ABCC5: variants seen among roughly 807,000 people sequenced by gnomAD.
ABCC5 encodes ATP-binding cassette sub-family C member 5.
Under a neutral mutation model 160.9 loss-of-function variants are expected in ABCC5, and 61 were observed. The ratio of observed to expected loss-of-function variants is 0.38; its 90% confidence interval spans 0.31 to 0.47. The LOEUF (loss-of-function observed/expected upper bound fraction) is 0.47. Among genes scored for constraint, ABCC5 ranks in the 20% least tolerant of loss-of-function variants. ABCC5 has a pLI of 0.99. For missense variants in ABCC5, 1,308 were observed against 1,813.3 expected (o/e 0.72, Z 5.06); for synonymous variants, 666 against 700.6 (o/e 0.95, Z 0.78).
At chr3:183,959,077 ACACACAGT>A (rs929705335) in intron 17 of ABCC5, among the ~76,000 whole-genome samples, 1 of 151,678 alleles carries the variant, frequency 6.6e-6, no homozygotes, top group Non-Finnish European at 1.5e-5. Flanking sequence ...ACACACACAC[ACACACAGT>A]GTTTGTGTGT....
chr3:183,946,298 G>A (rs1388419216), intron 23 of ABCC5, among the ~76,000 whole-genome samples: 3 of 152,290 alleles, frequency 2.0e-5, no homozygotes, highest in South Asian at 2.1e-4. Context: ...CAACCTATGA[G>A]CAACTAGTAA....
chr3:183,941,851 G>A (rs1278250022), intron 25 of ABCC5, among the ~76,000 whole-genome samples: 1 of 151,824 alleles, frequency 6.6e-6, no homozygotes, highest in East Asian at 2.0e-4. Context: ...TGGCGCCCCT[G>A]TAGTCCCAGC....
chr3:183,953,266 C>A lies in ABCC5; in HGVS notation c.2487G>T (p.Gln829His). The change falls in exon 18 of 30, where the codon CAG becomes CAT. Residue 829 changes from glutamine (Q) to histidine (H), a missense_variant. Physicochemically the swap from Gln to His is conservative, Grantham distance 24. Transcript: ENST00000334444. ...GCCCTTTCTCTTCCAGCTGCACAAG[C>A]TGCCCTAGGTAAGAAAAAAAGAAAC... ...KEKAVKPEEG[Q>H]LVQLEEKGQG... 2 of 1,606,884 alleles carry A rather than the reference C, an allele frequency of 1.2e-6. No individual in the cohort carries two copies. The highest frequency in any genetic ancestry group is 8.5e-7 in the Non-Finnish European group (1 of 1,176,670).
intron 15 of ABCC5, among the ~76,000 whole-genome samples, chr3:183,962,821 C>T (rs1258261526): frequency 1.3e-5 from 2 of 152,264 alleles, no homozygotes; most frequent in South Asian, 4.2e-4. Context: ...TGTGCCTGGC[C>T]GAGTCCCTCC....
intron 2 of ABCC5, among the ~76,000 whole-genome samples, chr3:184,009,174 T>C (rs1037173186): frequency 6.6e-6 from 1 of 152,204 alleles, no homozygotes; most frequent in Non-Finnish European, 1.5e-5. Flanking sequence ...GGTCTCCTGC[T>C]TCTCGGTTAA....
At chr3:183,983,792 A>C (rs1718954206) in intron 5 of ABCC5, 2 of 985,546 alleles carry the variant, frequency 2.0e-6, no homozygotes, top group African/African-American at 1.7e-5. Context: ...AAAAAATATA[A>C]AAGTACCATC....
intron 25 of ABCC5, among the ~76,000 whole-genome samples, chr3:183,940,461 G>GGA (rs1244140064): frequency 2.8e-5 from 1 of 35,542 alleles, no homozygotes; most frequent in African/African-American, 1.4e-4. Flanking sequence ...CTCTGTCTCA[G>GGA]GAAAAAAAAA....
At chr3:183,960,166 C>A (rs1199080858) in intron 16 of ABCC5, among the ~76,000 whole-genome samples, 1 of 152,122 alleles carries the variant, frequency 6.6e-6, no homozygotes, top group Non-Finnish European at 1.5e-5. Context: ...ATCACTAAAC[C>A]AAATCCATAG....
At chr3:183,959,178 G>C (rs1716505760) in intron 17 of ABCC5, among the ~76,000 whole-genome samples, 1 of 151,962 alleles carries the variant, frequency 6.6e-6, no homozygotes, top group Non-Finnish European at 1.5e-5. Context: ...CTCAAGATTT[G>C]TTACTGTTGA....
At chr3:183,961,390 CAG>C in intron 16 of ABCC5, 119 bp downstream of exon 16, 1 of 1,272,828 alleles carries the variant, frequency 7.9e-7, no homozygotes, top group Non-Finnish European at 1.1e-6. Flanking sequence ...CACCAGAAAA[CAG>C]GGCCCCTGCC....
At chr3:183,973,187 T>C (rs1481020313) in intron 10 of ABCC5, among the ~76,000 whole-genome samples, 1 of 151,706 alleles carries the variant, frequency 6.6e-6, no homozygotes, top group Non-Finnish European at 1.5e-5. Context: ...CCCGAGTAGC[T>C]GGGACTACAG....
chr3:183,972,626 C>A (rs929928238), intron 10 of ABCC5, among the ~76,000 whole-genome samples: 2 of 152,136 alleles, frequency 1.3e-5, no homozygotes, highest in Non-Finnish European at 2.9e-5. Flanking sequence ...TCCCAGAGAC[C>A]CCTGAGTTAT....
At chr3:183,993,683 G>T (rs1453774734) in intron 2 of ABCC5, among the ~76,000 whole-genome samples, 2 of 152,092 alleles carry the variant, frequency 1.3e-5, no homozygotes, top group Non-Finnish European at 2.9e-5. Context: ...AAGTTATGTG[G>T]AAGCAACTAA....
rs1722003915 is a variant in ABCC5 at position 184,014,249 on chromosome 3, G to C, written c.129+15C>G. 1 of 1,609,158 alleles carries C rather than the reference G, an allele frequency of 6.2e-7. No homozygotes were observed. The highest frequency in any genetic ancestry group is 8.5e-7 in the Non-Finnish European group (1 of 1,177,828). Reference sequence around the variant, plus strand: ...ACAACAAGCAGGTAAGAGACTCTTAGGAAAGGAAACTGACCGGTCGAGTTC... The same window carrying C: ...ACAACAAGCAGGTAAGAGACTCTTACGAAAGGAAACTGACCGGTCGAGTTC... On this transcript the variant is annotated intron_variant, in intron 2 of 29. Coordinates refer to ENST00000334444, the MANE Select transcript of ABCC5 (RefSeq NM_005688.4).
chr3:183,993,031 A>C (rs1288409857), intron 2 of ABCC5, among the ~76,000 whole-genome samples: 1 of 152,234 alleles, frequency 6.6e-6, no homozygotes, highest in Non-Finnish European at 1.5e-5. Context: ...ATGCAGGTCT[A>C]CTGATGAGAA....
At chr3:183,990,092 C>T (rs1333796862) in intron 2 of ABCC5, among the ~76,000 whole-genome samples, 2 of 150,390 alleles carry the variant, frequency 1.3e-5, no homozygotes, top group South Asian at 2.1e-4. Context: ...CATGAGCCAC[C>T]GCGCCCGGCC....
intron 28 of ABCC5, among the ~76,000 whole-genome samples, chr3:183,926,982 T>C (rs948346664): frequency 1.3e-5 from 2 of 151,714 alleles, no homozygotes; most frequent in African/African-American, 4.8e-5. Context: ...GAGGTGGAGG[T>C]TGCAGTGAGC....
At chr3:184,003,054 A>C (rs1222729684) in intron 2 of ABCC5, among the ~76,000 whole-genome samples, 1 of 152,088 alleles carries the variant, frequency 6.6e-6, no homozygotes, top group African/African-American at 2.4e-5. Flanking sequence ...CAAACAAGAC[A>C]ATGGGCGCCT....
intron 16 of ABCC5, 25 bp from the exon 17 acceptor site, chr3:183,959,860 CTCCAG>C (rs1203015514): frequency 1.3e-5 from 20 of 1,520,180 alleles, no homozygotes; most frequent in Middle Eastern, 1.9e-4. Context: ...AAAAAAAAGT[CTCCAG>C]TCATGTTAGC....
Sources: allele counts gnomAD v4.1 joint callset (sites outside exome capture counted in the v4.1 genomes callset), GRCh38; gene constraint gnomAD v4.1.1; transcripts MANE v1.5; gene names NCBI Gene and HGNC (gene_info 2026-07-23, HGNC 2026-07-21).